The following NTM variants were observed in gnomAD, a reference collection of about 807,000 sequenced individuals.
NTM encodes neurotrimin, also known as IgLON family member 2.
In NTM, 13 loss-of-function variants were observed where a neutral mutation model predicts 42.1. That is an observed-to-expected ratio of 0.31 (90% confidence interval 0.20 to 0.49). NTM has a LOEUF of 0.49. Ranked by LOEUF, NTM falls within the 20% of genes least tolerant of loss-of-function variation. The pLI is 0.99. For missense variants in NTM, 373 were observed against 452.8 expected (o/e 0.82, Z 1.60); for synonymous variants, 187 against 179.2 (o/e 1.04, Z -0.35).
At chr11:131,968,828 C>G (rs774982967) in intron 2 of NTM, among the ~76,000 whole-genome samples, 4 of 152,192 alleles carry the variant, frequency 2.6e-5, no homozygotes, top group African/African-American at 4.8e-5. Context: ...CCTTCCACCC[C>G]CTTAATTCTC....
chr11:132,129,884 A>G (rs1055303203), intron 2 of NTM, among the ~76,000 whole-genome samples: 4 of 152,066 alleles, frequency 2.6e-5, no homozygotes, highest in Non-Finnish European at 5.9e-5. Flanking sequence ...CCCCTTTTTC[A>G]TCTTCACCTA....
chr11:132,185,421 A>G (rs989358049), intron 3 of NTM, among the ~76,000 whole-genome samples: 4 of 152,220 alleles, frequency 2.6e-5, no homozygotes, highest in African/African-American at 9.6e-5. Context: ...TAAGCCCTGC[A>G]TTTATAATGC....
chr11:132,128,937 C>CAAAAAAAAAA (rs66598841), intron 2 of NTM, among the ~76,000 whole-genome samples: 1 of 66,072 alleles, frequency 1.5e-5, no homozygotes, highest in Non-Finnish European at 2.6e-5. Flanking sequence ...GACACCATCT[C>CAAAAAAAAAA]AAAAAAAAAA....
At position 132,310,100 on chromosome 11, in the gene NTM, T is replaced by A; in HGVS notation, c.662-12T>A. 1.3e-6 allele frequency: 2 copies of A among 1,569,880 alleles called. No individual in the cohort carries two copies. Among genetic ancestry groups the A allele is most frequent in the Non-Finnish European group, 1.7e-6 (2 of 1,165,940 alleles). On this transcript the variant is annotated splice_polypyrimidine_tract_variant and intron_variant, in intron 5 of 8. Coordinates refer to ENST00000683400, the MANE Select transcript of NTM (RefSeq NM_001352005.2). ...GGTGGGGGGGCGGCTATGAGACATCTTCTTTTTGCAGATCCACCATACATT... is the reference window on the plus strand; with the variant it reads ...GGTGGGGGGGCGGCTATGAGACATCATCTTTTTGCAGATCCACCATACATT...
intron 1 of NTM, among the ~76,000 whole-genome samples, chr11:131,694,121 C>T (rs901304597): frequency 9.2e-5 from 14 of 152,286 alleles, no homozygotes; most frequent in African/African-American, 3.4e-4. Context: ...TGTGAAGGCT[C>T]AATGAGACAG....
intron 1 of NTM, among the ~76,000 whole-genome samples, chr11:131,802,932 G>A (rs2136240882): frequency 6.6e-6 from 1 of 152,354 alleles, no homozygotes; most frequent in Non-Finnish European, 1.5e-5. Flanking sequence ...GAGAGAGCCT[G>A]ATGGGTTGTG....
chr11:131,615,285 T>C (rs1367560412), intron 1 of NTM, among the ~76,000 whole-genome samples: 1 of 152,128 alleles, frequency 6.6e-6, no homozygotes, highest in Non-Finnish European at 1.5e-5. Flanking sequence ...AGTATCTGCA[T>C]CATGGGGTTG....
intron 1 of NTM, among the ~76,000 whole-genome samples, chr11:131,831,801 G>A (rs1008360744): frequency 1.8e-4 from 28 of 152,000 alleles, no homozygotes; most frequent in African/African-American, 6.8e-4. Context: ...AATCTTACTT[G>A]ACCACTCTTT....
At chr11:131,687,623 C>T (rs149645419) in intron 1 of NTM, among the ~76,000 whole-genome samples, 2 of 152,322 alleles carry the variant, frequency 1.3e-5, no homozygotes, top group South Asian at 2.1e-4. Context: ...GAATTAGTGC[C>T]GCCCAAGTGC....
At chr11:131,552,179 A>C (rs1283882004) in intron 1 of NTM, among the ~76,000 whole-genome samples, 1 of 152,192 alleles carries the variant, frequency 6.6e-6, no homozygotes, top group Non-Finnish European at 1.5e-5. Context: ...AGGAAAGAAG[A>C]GGAAAAGAGA....
At chr11:131,888,231 G>A (rs1024214718) in intron 1 of NTM, among the ~76,000 whole-genome samples, 30 of 152,102 alleles carry the variant, frequency 2.0e-4, no homozygotes, top group Non-Finnish European at 4.3e-4. Context: ...AACCCGGGAG[G>A]TGGAGGTTGC....
chr11:131,977,689 G>A (rs1408460421), intron 2 of NTM, among the ~76,000 whole-genome samples: 1 of 152,130 alleles, frequency 6.6e-6, no homozygotes, highest in Non-Finnish European at 1.5e-5. Context: ...TCAGAAAGAG[G>A]TGATTTTGTT....
chr11:131,834,473 T>C (rs1225886760), intron 1 of NTM, among the ~76,000 whole-genome samples: 1 of 151,938 alleles, frequency 6.6e-6, no homozygotes, highest in Non-Finnish European at 1.5e-5. Context: ...GTAATTAGAA[T>C]AGGATCTGAC....
At chr11:131,578,277 T>G (rs2058100961) in intron 1 of NTM, among the ~76,000 whole-genome samples, 1 of 152,054 alleles carries the variant, frequency 6.6e-6, no homozygotes, top group African/African-American at 2.4e-5. Flanking sequence ...TATAATTAGG[T>G]CCCCCAAGCA....
At chr11:131,581,133 T>C (rs1346548469) in intron 1 of NTM, among the ~76,000 whole-genome samples, 1 of 152,238 alleles carries the variant, frequency 6.6e-6, no homozygotes, top group Non-Finnish European at 1.5e-5. Context: ...GTCTTCTTGG[T>C]CATGGCTTCT....
At chr11:132,166,126 T>C (rs1037173286) in intron 3 of NTM, among the ~76,000 whole-genome samples, 6 of 152,162 alleles carry the variant, frequency 3.9e-5, no homozygotes, top group African/African-American at 1.4e-4. Context: ...GTAGCACTTT[T>C]CTTTACTATC....
intron 1 of NTM, among the ~76,000 whole-genome samples, chr11:131,452,696 A>G (rs1201758841): frequency 6.6e-6 from 1 of 152,114 alleles, no homozygotes. Context: ...AAGACTCCAC[A>G]ACTAGTTATG....
At chr11:131,942,298 G>A (rs1053701457) in intron 2 of NTM, among the ~76,000 whole-genome samples, 1 of 152,176 alleles carries the variant, frequency 6.6e-6, no homozygotes, top group African/African-American at 2.4e-5. Flanking sequence ...TGCATAGAGT[G>A]GTTCTCCTGC....
At chr11:132,251,114 C>A (rs187495635) in intron 4 of NTM, among the ~76,000 whole-genome samples, 12 of 152,314 alleles carry the variant, frequency 7.9e-5, no homozygotes, top group Admixed American at 6.5e-4. Flanking sequence ...AACACAATTT[C>A]TTGGAGAGAA....
Sources: gnomAD v4.1 joint callset for allele counts (sites outside exome capture counted in the v4.1 genomes callset) on GRCh38, gnomAD v4.1.1 for gene constraint, MANE v1.5 for transcripts, NCBI Gene and HGNC (gene_info 2026-07-23, HGNC 2026-07-21) for gene names.